Variants in MSRA observed in about 807,000 individuals in gnomAD.
MSRA encodes the protein methionine sulfoxide reductase A, also known as mitochondrial peptide methionine sulfoxide reductase.
A neutral mutation model predicts 31.3 loss-of-function variants in MSRA; 54 were observed. That is an observed-to-expected ratio of 1.73 (90% confidence interval 1.39 to 2.17). MSRA has a LOEUF of 2.17. Ranked by LOEUF, MSRA falls within the 30% of genes most tolerant of loss-of-function variation. The pLI is 0.00. For missense variants in MSRA, 507 were observed against 300.9 expected (o/e 1.69, Z -5.07); for synonymous variants, 169 against 116.5 (o/e 1.45, Z -2.90).
At chr8:10,078,248 C>A (rs1798094515) in intron 1 of MSRA, among the ~76,000 whole-genome samples, 2 of 152,204 alleles carry the variant, frequency 1.3e-5, no homozygotes, top group Admixed American at 1.3e-4. Context: ...CTTTACCCTC[C>A]TCCTCCTTCC....
intron 1 of MSRA, among the ~76,000 whole-genome samples, chr8:10,201,961 G>C (rs993674493): frequency 1.3e-5 from 2 of 152,242 alleles, no homozygotes; most frequent in Non-Finnish European, 2.9e-5. Context: ...CACCAGTTGG[G>C]AGGCACCCAC....
intron 5 of MSRA, among the ~76,000 whole-genome samples, chr8:10,400,351 T>C (rs1379009714): frequency 1.9e-5 from 2 of 106,786 alleles, no homozygotes; most frequent in Non-Finnish European, 4.0e-5. Flanking sequence ...GCCTATGACC[T>C]ATTCAGGCTC....
chr8:10,119,346 G>C (rs1301042929), intron 1 of MSRA, among the ~76,000 whole-genome samples: 1 of 152,184 alleles, frequency 6.6e-6, no homozygotes, highest in African/African-American at 2.4e-5. Context: ...GTAGGATCCT[G>C]CTATTTGAAT....
In MSRA at chr8:10,225,694, G is replaced by C. The variant is rs577489067; in HGVS notation, c.211+17793G>C. Among the ~76,000 whole-genome samples, 53 of 152,274 alleles carry C rather than the reference G, an allele frequency of 3.5e-4. 1 individual carries two copies. In the South Asian group the frequency reaches 9.9e-3, roughly 29 times the overall value. ...TGGGCCGATGTTCTTTATGGTGCCA[G>C]CTCTCGTTTTGATGTAGATGTCTGA... On this transcript the variant is annotated intron_variant, in intron 2 of 5. Transcript: ENST00000317173.
At chr8:10,229,751 C>T (rs1018453479) in intron 2 of MSRA, among the ~76,000 whole-genome samples, 1 of 152,174 alleles carries the variant, frequency 6.6e-6, no homozygotes. Flanking sequence ...TGAGGCCACA[C>T]AGTAAGTGTT....
chr8:10,125,581 C>T (rs1801441027), intron 1 of MSRA, among the ~76,000 whole-genome samples: 2 of 152,134 alleles, frequency 1.3e-5, no homozygotes. Flanking sequence ...GGCTCCTGAA[C>T]CGGGCTAAGG....
intron 1 of MSRA, among the ~76,000 whole-genome samples, chr8:10,141,718 C>CT (rs773026493): frequency 0.011 from 1,632 of 144,386 alleles, 21 homozygotes; most frequent in African/African-American, 0.03. Context: ...CAAATGCCTG[C>CT]TTTTTTTTTT....
intron 5 of MSRA, among the ~76,000 whole-genome samples, chr8:10,378,485 C>G (rs567337714): frequency 4.6e-5 from 7 of 152,224 alleles, no homozygotes; most frequent in African/African-American, 1.7e-4. Flanking sequence ...GGTGGCATCT[C>G]CAGTGACCTT....
chr8:10,186,761 TAGC>T (rs1807092745), intron 1 of MSRA, among the ~76,000 whole-genome samples: 1 of 152,202 alleles, frequency 6.6e-6, no homozygotes, highest in African/African-American at 2.4e-5. Context: ...ACCAAGCAGA[TAGC>T]TGCCTCTGCC....
intron 3 of MSRA, among the ~76,000 whole-genome samples, chr8:10,296,478 G>C (rs1800548991): frequency 6.6e-6 from 1 of 152,262 alleles, no homozygotes; most frequent in Middle Eastern, 3.4e-3. Flanking sequence ...AAAAAAGTAG[G>C]ACACCCGGGA....
At chr8:10,200,017 C>T (rs1808358720) in intron 1 of MSRA, among the ~76,000 whole-genome samples, 1 of 152,196 alleles carries the variant, frequency 6.6e-6, no homozygotes, top group Non-Finnish European at 1.5e-5. Context: ...GCCTGTTCTG[C>T]CCATCCTATT....
intron 5 of MSRA, among the ~76,000 whole-genome samples, chr8:10,345,374 T>C (rs984595732): frequency 6.6e-6 from 1 of 152,196 alleles, no homozygotes; most frequent in African/African-American, 2.4e-5. Flanking sequence ...GTATTTTCCA[T>C]GTCACATCCA....
At chr8:10,324,427 C>T (rs1802244188) in intron 5 of MSRA, among the ~76,000 whole-genome samples, 1 of 152,118 alleles carries the variant, frequency 6.6e-6, no homozygotes, top group Non-Finnish European at 1.5e-5. Flanking sequence ...GCGGGACGGC[C>T]ATGGAACATG....
intron 1 of MSRA, among the ~76,000 whole-genome samples, chr8:10,195,143 C>T (rs1415925608): frequency 6.6e-6 from 1 of 152,226 alleles, no homozygotes; most frequent in Non-Finnish European, 1.5e-5. Context: ...AGTATTTTTA[C>T]AAGCAATCTT....
intron 5 of MSRA, among the ~76,000 whole-genome samples, chr8:10,355,259 G>T (rs549317433): frequency 2.6e-4 from 39 of 152,202 alleles, no homozygotes; most frequent in Non-Finnish European, 5.0e-4. Context: ...ATTGTTTCAT[G>T]TTTGCAAAGA....
intron 2 of MSRA, among the ~76,000 whole-genome samples, chr8:10,211,146 A>T (rs563433282): frequency 6.6e-6 from 1 of 152,308 alleles, no homozygotes; most frequent in Non-Finnish European, 1.5e-5. Flanking sequence ...TTGAACTTCC[A>T]TGAAGCTTTT....
intron 1 of MSRA, among the ~76,000 whole-genome samples, chr8:10,126,618 T>C (rs1232629495): frequency 1.3e-5 from 2 of 152,188 alleles, no homozygotes; most frequent in Non-Finnish European, 2.9e-5. Flanking sequence ...GTTCAAGCAA[T>C]TCTCGTGCCT....
At chr8:10,112,718 AAC>A (rs1800378629) in intron 1 of MSRA, among the ~76,000 whole-genome samples, 1 of 152,206 alleles carries the variant, frequency 6.6e-6, no homozygotes, top group East Asian at 1.9e-4. Context: ...GACAGAGAAA[AAC>A]ACAGAGACCT....
chr8:10,179,440 A>G lies in MSRA; in HGVS notation c.143-28393A>G, dbSNP rs147471028. Among the ~76,000 whole-genome samples the G allele has an allele frequency of 3.5e-4, 53 of 152,322 alleles. 4 individuals are homozygous for G. In the East Asian group the frequency reaches 9.4e-3, roughly 27 times the overall value. On this transcript the variant is annotated intron_variant, in intron 1 of 5. Coordinates refer to ENST00000317173, the MANE Select transcript of MSRA (RefSeq NM_012331.5). ...CAGCTCTGAGAGTCGATCATTTATA[A>G]TTATAATGCATATTGCATCTGTGTA...
Sources: allele counts gnomAD v4.1 joint callset (sites outside exome capture counted in the v4.1 genomes callset), GRCh38; gene constraint gnomAD v4.1.1; transcripts MANE v1.5; gene names NCBI Gene and HGNC (gene_info 2026-07-23, HGNC 2026-07-21).